The following BICD1 variants were observed in gnomAD, a reference collection of about 807,000 sequenced individuals.
BICD1 encodes the protein BICD cargo adaptor 1.
A neutral mutation model predicts 92.5 loss-of-function variants in BICD1; 35 were observed. That is an observed-to-expected ratio of 0.38 (90% CI 0.29 to 0.50). The LOEUF (loss-of-function observed/expected upper bound fraction) is 0.50, where lower values mean the gene tolerates loss of function less well. Among genes scored for constraint, BICD1 ranks in the 20% least tolerant of loss-of-function variants. BICD1 has a pLI of 0.93. For synonymous variants in BICD1, 429 were observed against 465.1 expected, an observed-to-expected ratio of 0.92 and a Z score of 1.00; for missense variants, 950 against 1,189.8, an observed-to-expected ratio of 0.80 and a Z score of 2.97.
chr12:32,284,877 C>T (rs546175869), intron 2 of BICD1, among the ~76,000 whole-genome samples: 5 of 152,274 alleles, frequency 3.3e-5, no homozygotes, highest in Admixed American at 3.3e-4. Context: ...TTCAGAGGTT[C>T]GCGACACTAG....
intron 1 of BICD1, among the ~76,000 whole-genome samples, chr12:32,130,294 C>G (rs1237824575): frequency 1.3e-5 from 2 of 151,788 alleles, no homozygotes; most frequent in Non-Finnish European, 2.9e-5. Flanking sequence ...AGCTCCGCCT[C>G]TCGGGTTCAT....
chr12:32,221,356 A>AAATAAATAAATAAAT (rs10687306), intron 2 of BICD1, among the ~76,000 whole-genome samples: 4 of 149,848 alleles, frequency 2.7e-5, no homozygotes, highest in African/African-American at 9.8e-5. Flanking sequence ...AAAAAATAAA[A>AAATAAATAAATAAAT]AAATAAATAA....
At chr12:32,113,710 ATT>A (rs36110677) in intron 1 of BICD1, among the ~76,000 whole-genome samples, 139 of 122,264 alleles carry the variant, frequency 1.1e-3, no homozygotes, top group African/African-American at 1.4e-3. Context: ...TGCTTGGGTA[ATT>A]TTTTTTTTTT....
chr12:32,128,917 C>T (rs577775042), intron 1 of BICD1, among the ~76,000 whole-genome samples: 1 of 151,572 alleles, frequency 6.6e-6, no homozygotes, highest in African/African-American at 2.4e-5. Context: ...GGACTACAGG[C>T]ATGCACCACC....
At chr12:32,272,836 G>T (rs368467954) in intron 2 of BICD1, among the ~76,000 whole-genome samples, 1 of 152,134 alleles carries the variant, frequency 6.6e-6, no homozygotes, top group African/African-American at 2.4e-5. Flanking sequence ...GAGTCACATG[G>T]TGTTCTAGAC....
At chr12:32,208,996 G>A (rs1197976848) in intron 1 of BICD1, among the ~76,000 whole-genome samples, 3 of 151,794 alleles carry the variant, frequency 2.0e-5, no homozygotes, top group Admixed American at 6.6e-5. Context: ...CATCACAGCC[G>A]GCTAATTTTT....
At chr12:32,204,779 C>T (rs569640581) in intron 1 of BICD1, among the ~76,000 whole-genome samples, 1 of 152,322 alleles carries the variant, frequency 6.6e-6, no homozygotes, top group African/African-American at 2.4e-5. Context: ...AGCAAACTCA[C>T]AGAAGACGAT....
rs79919682 is a variant in BICD1 at position 32,273,641 on chromosome 12, A to C, written c.427-20353A>C. Among the ~76,000 whole-genome samples, 1,081 of 152,356 alleles carry C rather than the reference A, an allele frequency of 7.1e-3. 14 individuals are homozygous for C. Among genetic ancestry groups the C allele is most frequent in the African/African-American group, 0.025 (1,019 of 41,586 alleles). On this transcript the variant is annotated intron_variant, in intron 2 of 9. Coordinates refer to ENST00000652176, the MANE Select transcript of BICD1 (RefSeq NM_001714.4). ...ATGATCAGCTAGTAGAGGGTGCCTC[A>C]AGGCAGTTTCAGACTTTAAATAACA...
chr12:32,229,868 T>C (rs1313265941), intron 2 of BICD1, among the ~76,000 whole-genome samples: 1 of 152,040 alleles, frequency 6.6e-6, no homozygotes, highest in Non-Finnish European at 1.5e-5. Flanking sequence ...ATTTTAATGA[T>C]GTAAGAAGGA....
At chr12:32,374,393 T>G (rs1284705845) in intron 9 of BICD1, among the ~76,000 whole-genome samples, 2 of 151,834 alleles carry the variant, frequency 1.3e-5, no homozygotes, top group African/African-American at 4.8e-5. Context: ...TTTTACTATA[T>G]GTGCTGTGGA....
At chr12:32,322,756 A>G (rs1265642405) in intron 4 of BICD1, among the ~76,000 whole-genome samples, 1 of 152,200 alleles carries the variant, frequency 6.6e-6, no homozygotes, top group Non-Finnish European at 1.5e-5. Flanking sequence ...TTAAATCTCA[A>G]CTGTCAGAGT....
At chr12:32,349,754 T>C (rs1033462521) in intron 8 of BICD1, among the ~76,000 whole-genome samples, 6 of 152,206 alleles carry the variant, frequency 3.9e-5, no homozygotes, top group African/African-American at 1.2e-4. Flanking sequence ...ACAAACTTTT[T>C]TGATGATTTA....
At chr12:32,320,408 G>A (rs10844183) in intron 4 of BICD1, among the ~76,000 whole-genome samples, 37,922 of 151,972 alleles carry the variant, frequency 0.25, 5,160 homozygotes, top group East Asian at 0.59. Context: ...TTGGGAGGCC[G>A]AGGCGGGCAG....
intron 8 of BICD1, among the ~76,000 whole-genome samples, chr12:32,358,513 C>A (rs1168128414): frequency 6.6e-6 from 1 of 151,762 alleles, no homozygotes; most frequent in Non-Finnish European, 1.5e-5. Context: ...CTGAGGCAGG[C>A]GGATCACGAG....
At chr12:32,251,498 C>G (rs1033005531) in intron 2 of BICD1, among the ~76,000 whole-genome samples, 3 of 151,914 alleles carry the variant, frequency 2.0e-5, no homozygotes, top group Non-Finnish European at 4.4e-5. Flanking sequence ...AGAATCTTTT[C>G]CTTGCCCTTC....
Position 32,107,918 on chromosome 12 carries a change from A to G in BICD1, c.213+374A>G, listed in dbSNP as rs554107352. On this transcript the variant is annotated intron_variant, in intron 1 of 9. Transcript: ENST00000652176. ...TTCAGCGACAATTTCGTAGTCCACA[A>G]AAGTGATGAGGTTTGTGCCTGAGGA... is the stretch of plus-strand genomic sequence containing the variant. The G allele has an allele frequency of 1.6e-5, 9 of 558,692 alleles. No homozygotes were observed. The East Asian group carries it at 2.8e-4, about 18-fold the overall frequency. 34.6% of individuals were successfully genotyped at this position (558,692 alleles called of 1,614,324 possible).
rs542328920 is a variant in BICD1 at position 32,232,665 on chromosome 12, T to C, written c.426+16206T>C. Among the ~76,000 whole-genome samples the C allele has an allele frequency of 4.6e-5, 7 of 152,296 alleles. No individual in the cohort carries two copies. In the South Asian group the frequency reaches 1.5e-3, roughly 32 times the overall value. On this transcript the variant is annotated intron_variant, in intron 2 of 9. Coordinates refer to ENST00000652176, the MANE Select transcript of BICD1 (RefSeq NM_001714.4). ...GTTTTATACATGAAGTCCTTGCCCA[T>C]GCCTATGTCCTGAATGGTAATGGCT... is the stretch of plus-strand genomic sequence containing the variant.
intron 5 of BICD1, chr12:32,333,297 A>G (rs1937960288): frequency 1.0e-6 from 1 of 970,674 alleles, no homozygotes. Flanking sequence ...GATTCCTCCA[A>G]GTATTTACAG....
intron 8 of BICD1, among the ~76,000 whole-genome samples, chr12:32,347,226 C>T (rs1189976153): frequency 6.7e-6 from 1 of 149,662 alleles, no homozygotes; most frequent in Non-Finnish European, 1.5e-5. Flanking sequence ...GCTGGGATTA[C>T]AGGCATGAGC....
Sources: gnomAD v4.1 joint callset for allele counts (sites outside exome capture counted in the v4.1 genomes callset) on GRCh38, gnomAD v4.1.1 for gene constraint, MANE v1.5 for transcripts, NCBI Gene and HGNC (gene_info 2026-07-23, HGNC 2026-07-21) for gene names.